The following CNTN5 variants were observed in gnomAD, a reference collection of about 807,000 sequenced individuals.
The protein encoded by CNTN5 is contactin 5, also known as contactin-5.
Under a neutral mutation model 129.1 loss-of-function variants are expected in CNTN5, and 77 were observed. The observed-to-expected ratio is 0.60, with a 90% CI of 0.50 to 0.72. The LOEUF (loss-of-function observed/expected upper bound fraction) is 0.72. Ranked by LOEUF, CNTN5 falls within the 30% of genes least tolerant of loss-of-function variation. The pLI is 0.00. For missense variants in CNTN5, 1,478 were observed against 1,328.8 expected, an observed-to-expected ratio of 1.11 and a Z score of -1.75; for synonymous variants, 509 against 465.6, an observed-to-expected ratio of 1.09 and a Z score of -1.20.
At chr11:99,980,226 A>G (rs558090489) in intron 8 of CNTN5, among the ~76,000 whole-genome samples, 2 of 152,312 alleles carry the variant, frequency 1.3e-5, no homozygotes, top group Admixed American at 1.3e-4. Flanking sequence ...TAAAAATCCA[A>G]TTACCAGCTA....
At chr11:99,459,157 C>T (rs1944599590) in intron 2 of CNTN5, among the ~76,000 whole-genome samples, 1 of 151,808 alleles carries the variant, frequency 6.6e-6, no homozygotes, top group Non-Finnish European at 1.5e-5. Flanking sequence ...GATCTTTTAG[C>T]AGGTGCTTGG....
chr11:100,019,657 T>A (rs1081363), intron 9 of CNTN5, among the ~76,000 whole-genome samples: 1 of 151,920 alleles, frequency 6.6e-6, no homozygotes, highest in Non-Finnish European at 1.5e-5. Context: ...AAAACAGGAA[T>A]GCAGATATCT....
intron 9 of CNTN5, among the ~76,000 whole-genome samples, chr11:100,051,809 G>A (rs1942967664): frequency 6.6e-6 from 1 of 151,830 alleles, no homozygotes; most frequent in African/African-American, 2.4e-5. Flanking sequence ...GGAAGGCAAT[G>A]TTAACTGACA....
intron 13 of CNTN5, among the ~76,000 whole-genome samples, chr11:100,188,053 T>C (rs560332676): frequency 3.3e-5 from 5 of 152,258 alleles, no homozygotes; most frequent in South Asian, 2.1e-4. Context: ...AAAGGTCTAA[T>C]ATCCAGAATC....
chr11:99,126,754 C>T lies in CNTN5; in HGVS notation c.-210+105484C>T, dbSNP rs190512868. Among the ~76,000 whole-genome samples, 380 of 152,326 alleles carry T rather than the reference C, an allele frequency of 2.5e-3. 2 individuals are homozygous for T. The highest frequency in any genetic ancestry group is 8.8e-3 in the African/African-American group (366 of 41,568). On this transcript the variant is annotated intron_variant, in intron 1 of 24. Coordinates refer to ENST00000524871, the MANE Select transcript of CNTN5 (RefSeq NM_014361.4). ...TCTACATTCCTGTCGGTTATTATCACTTTAACCTTTCAAAATTCAAATTTT... is the reference window on the plus strand; with the variant it reads ...TCTACATTCCTGTCGGTTATTATCATTTTAACCTTTCAAAATTCAAATTTT...
intron 2 of CNTN5, among the ~76,000 whole-genome samples, chr11:99,543,187 C>A (rs1948171318): frequency 6.6e-6 from 1 of 152,150 alleles, no homozygotes; most frequent in Admixed American, 6.6e-5. Context: ...AATCATATTT[C>A]TCTGCATTCA....
At chr11:99,740,670 A>G (rs1943860870) in intron 3 of CNTN5, among the ~76,000 whole-genome samples, 1 of 152,204 alleles carries the variant, frequency 6.6e-6, no homozygotes, top group Non-Finnish European at 1.5e-5. Context: ...AGCAGGCATC[A>G]GGTATAATTA....
chr11:99,248,703 A>G (rs1475213667), intron 1 of CNTN5, among the ~76,000 whole-genome samples: 1 of 152,134 alleles, frequency 6.6e-6, no homozygotes, highest in Non-Finnish European at 1.5e-5. Flanking sequence ...TTTTCCCAGC[A>G]CCATGTATTA....
chr11:100,243,364 C>A (rs1949779775), intron 16 of CNTN5, among the ~76,000 whole-genome samples: 1 of 152,150 alleles, frequency 6.6e-6, no homozygotes, highest in East Asian at 1.9e-4. Flanking sequence ...CAGCTGAAGA[C>A]CTTAAAATCT....
chr11:100,082,249 G>A (rs17094320), intron 13 of CNTN5, among the ~76,000 whole-genome samples: 1,783 of 152,192 alleles, frequency 0.012, 48 homozygotes, highest in African/African-American at 0.041. Context: ...AAAAATTAAA[G>A]ATTTACAAAA....
intron 8 of CNTN5, among the ~76,000 whole-genome samples, chr11:99,957,460 A>G (rs774056295): frequency 1.3e-5 from 2 of 152,186 alleles, no homozygotes; most frequent in African/African-American, 2.4e-5. Flanking sequence ...TACTTTTCCA[A>G]TAATAGGAGC....
At position 99,417,730 on chromosome 11, in the gene CNTN5, C is replaced by A. The variant is rs531896421; in HGVS notation, c.-71+92246C>A. Reference sequence around the variant, plus strand: ...CCATTCTTTTGTAAATTCATGGTGTCACAAGTAGGATTTTTATTTATTACT... The same window carrying A: ...CCATTCTTTTGTAAATTCATGGTGTAACAAGTAGGATTTTTATTTATTACT... On this transcript the variant is annotated intron_variant, in intron 2 of 24. Coordinates refer to ENST00000524871, the MANE Select transcript of CNTN5 (RefSeq NM_014361.4). Among the ~76,000 whole-genome samples the A allele has an allele frequency of 7.2e-5, 11 of 152,188 alleles. No individual in the cohort carries two copies. In the East Asian group the frequency reaches 2.1e-3, roughly 29 times the overall value.
intron 3 of CNTN5, among the ~76,000 whole-genome samples, chr11:99,777,882 A>G (rs559570161): frequency 3.9e-5 from 6 of 152,004 alleles, no homozygotes; most frequent in Non-Finnish European, 7.4e-5. Context: ...TATACAGATT[A>G]TATATAATAC....
At chr11:100,353,802 G>T (rs531559306) in intron 24 of CNTN5, among the ~76,000 whole-genome samples, 20 of 151,628 alleles carry the variant, frequency 1.3e-4, no homozygotes, top group African/African-American at 4.6e-4. Context: ...TTGCATTTGT[G>T]TGTGTGTGTG....
At chr11:99,127,016 T>G (rs1216881396) in intron 1 of CNTN5, among the ~76,000 whole-genome samples, 1 of 152,162 alleles carries the variant, frequency 6.6e-6, no homozygotes, top group East Asian at 1.9e-4. Context: ...TTACTATCTA[T>G]GTATTGATGA....
chr11:100,002,849 CTT>C (rs60287069), intron 9 of CNTN5, among the ~76,000 whole-genome samples: 1 of 150,686 alleles, frequency 6.6e-6, no homozygotes, highest in Non-Finnish European at 1.5e-5. Context: ...GTGTTGTTTT[CTT>C]TTTTTTTAGG....
intron 3 of CNTN5, among the ~76,000 whole-genome samples, chr11:99,583,242 G>A (rs1008724551): frequency 6.6e-6 from 1 of 152,204 alleles, no homozygotes; most frequent in Non-Finnish European, 1.5e-5. Context: ...CTAATTGGGG[G>A]TGCCTCCCAG....
At chr11:99,320,328 T>A (rs1865516985) in intron 1 of CNTN5, among the ~76,000 whole-genome samples, 1 of 152,176 alleles carries the variant, frequency 6.6e-6, no homozygotes, top group Admixed American at 6.5e-5. Context: ...TTGAGAACAG[T>A]GGAAGACGAG....
At chr11:100,264,604 T>C (rs117197442) in intron 17 of CNTN5, among the ~76,000 whole-genome samples, 4,452 of 152,286 alleles carry the variant, frequency 0.029, 107 homozygotes, top group Middle Eastern at 0.051. Flanking sequence ...GGTGTATATG[T>C]GCCACATTTC....
Sources: gnomAD v4.1 joint callset for allele counts (sites outside exome capture counted in the v4.1 genomes callset) on GRCh38, gnomAD v4.1.1 for gene constraint, MANE v1.5 for transcripts, NCBI Gene and HGNC (gene_info 2026-07-23, HGNC 2026-07-21) for gene names.